Variants in TCIRG1 observed in about 807,000 individuals in gnomAD.
TCIRG1 encodes the protein V-type proton ATPase 116 kDa subunit a 3.
TCIRG1 carries 86 observed loss-of-function variants against 95.5 expected under a neutral mutation model. That is an observed-to-expected ratio of 0.90 (90% CI 0.76 to 1.08). The LOEUF is 1.08. TCIRG1 is among the 50% of genes least tolerant of loss of function. TCIRG1 has a pLI of 0.00. For missense variants in TCIRG1, 1,069 were observed against 1,140.2 expected (o/e 0.94, Z 0.90); for synonymous variants, 499 against 501.3 (o/e 1.00, Z 0.06).
chr11:68,050,612 C>G lies in TCIRG1; in HGVS notation c.2362C>G (p.Leu788Val), dbSNP rs1329759639. 1.9e-6 allele frequency: 3 copies of G among 1,613,374 alleles called. No homozygotes were observed. The highest frequency in any genetic ancestry group is 2.5e-6 in the Non-Finnish European group (3 of 1,179,952). ...AAFAVMTVAI[L>V]LVMEGLSAFL... ...CTTTGCCGTGATGACCGTGGCTATC[C>G]TGCTGGTGATGGAGGGACTCTCAGC... is the stretch of plus-strand genomic sequence containing the variant. Residue 788 changes from leucine (L) to valine (V), a missense_variant, in exon 19 of 20, where the codon CTG (leucine) becomes GTG (valine). By Grantham distance (32) the Leu-to-Val change is conservative (BLOSUM62 1). Coordinates refer to ENST00000265686, the MANE Select transcript of TCIRG1 (RefSeq NM_006019.4).
chr11:68,046,584 AAAG>A (rs1423318818), intron 10 of TCIRG1, among the ~76,000 whole-genome samples: 1 of 152,166 alleles, frequency 6.6e-6, no homozygotes, highest in East Asian at 1.9e-4. Context: ...CCCTGTCTCC[AAAG>A]AAGGTCACAT....
intron 10 of TCIRG1, among the ~76,000 whole-genome samples, chr11:68,045,689 G>A (rs1855444401): frequency 6.6e-6 from 1 of 152,134 alleles, no homozygotes; most frequent in South Asian, 2.1e-4. Flanking sequence ...AAGTAGCTGG[G>A]ATTACAGGCA....
In TCIRG1 at chr11:68,044,319, T is replaced by G; in HGVS notation, c.995T>G (p.Leu332Arg). ...AWCSVRDLPA[L>R]QEALRDSSME... ...TGCTCTGTGCGAGACCTGCCCGCCC[T>G]GCAGGAGGCCCTGCGGGACAGCTCG... is the stretch of plus-strand genomic sequence containing the variant. The change falls in exon 9 of 20, where the codon CTG becomes CGG. Residue 332 changes from leucine to arginine, a missense_variant. By Grantham distance (102) the Leu-to-Arg change is moderately radical. Transcript: ENST00000265686. 1 of 1,597,000 alleles carries G rather than the reference T, an allele frequency of 6.3e-7. No individual in the cohort carries two copies.
intron 16 of TCIRG1, 48 bp from the exon 17 acceptor site, chr11:68,049,914 G>GA (rs1368338938): frequency 8.9e-6 from 14 of 1,570,146 alleles, no homozygotes; most frequent in Non-Finnish European, 1.0e-5. Context: ...GGTGGTGGGG[G>GA]ACCTCCTGGG....
At position 68,044,289 on chromosome 11, in the gene TCIRG1, C is replaced by A; in HGVS notation, c.965C>A (p.Ala322Asp). 6.2e-7 allele frequency: 1 copy of A among 1,605,598 alleles called. No individual in the cohort carries two copies. Among genetic ancestry groups the A allele is most frequent in the African/African-American group, 1.3e-5 (1 of 74,956 alleles). Residue 322 changes from alanine (A) to aspartate (D), a missense_variant, in exon 9 of 20, where the codon GCC (alanine) becomes GAC (aspartate). Transcript: ENST00000265686. Reference sequence around the variant, plus strand: ...ACGCACAAGTGCCTCATTGCCGAGGCCTGGTGCTCTGTGCGAGACCTGCCC... The same window carrying A: ...ACGCACAAGTGCCTCATTGCCGAGGACTGGTGCTCTGTGCGAGACCTGCCC... ...STTHKCLIAEAWCSVRDLPAL... is the reference protein window; with the variant it reads ...STTHKCLIAEDWCSVRDLPAL...
intron 8 of TCIRG1, 105 bp downstream of exon 8, chr11:68,044,012 G>A: frequency 7.7e-7 from 1 of 1,293,350 alleles, no homozygotes. Flanking sequence ...TCCAGGAGGT[G>A]GGTGCAGGAG....
chr11:68,043,466 AGCTGGAGCAGCC>A lies in TCIRG1; in HGVS notation c.609_620del (p.Gln203_Glu206del), dbSNP rs1554995554. The A allele has an allele frequency of 1.3e-6, 2 of 1,555,928 alleles. No individual in the cohort carries two copies. The highest frequency in any genetic ancestry group is 1.7e-6 in the Non-Finnish European group (2 of 1,150,464). ...GGCTTCCTCATTGCCAGCTTCAGGG[AGCTGGAGCAGCC>A]GCTGGAGCACCCCGTGACGGTGAGC... is the stretch of plus-strand genomic sequence containing the variant. On this transcript the variant is annotated inframe_deletion, in exon 6 of 20. Coordinates refer to ENST00000265686, the MANE Select transcript of TCIRG1 (RefSeq NM_006019.4).
Position 68,047,790 on chromosome 11 carries a change from C to T in TCIRG1, c.1449C>T (p.Asn483=), listed in dbSNP as rs1321901427. 4.3e-6 allele frequency: 7 copies of T among 1,613,096 alleles called. No individual in the cohort carries two copies. Among genetic ancestry groups the T allele is most frequent in the South Asian group, 2.2e-5 (2 of 91,080 alleles). ...PSGWSVAAMA[N]QSGWSDAFLA... ...GCTGGAGTGTGGCCGCCATGGCCAA[C>T]CAGTCTGGCTGGAGGTGAGGCCCGG... The change falls in exon 12 of 20, where the codon AAC becomes AAT. Residue 483 remains asparagine, a synonymous_variant. Coordinates refer to ENST00000265686, the MANE Select transcript of TCIRG1 (RefSeq NM_006019.4).
rs75596506 is a variant in TCIRG1, at chr11:68,050,802, G to A, written c.2476G>A (p.Ala826Thr). ...CTACAAGCTGAGTCCCTTCACCTTC[G>A]CTGCCACAGATGACTAGGGCCCACT... ...TGYKLSPFTFAATDD is the reference protein window; with the variant it reads ...TGYKLSPFTFTATDD The change falls in exon 20 of 20, where the codon GCT becomes ACT. Residue 826 changes from alanine (A) to threonine (T), a missense_variant. Ala to Thr is a moderately conservative substitution (Grantham distance 58). Coordinates refer to ENST00000265686, the MANE Select transcript of TCIRG1 (RefSeq NM_006019.4). The A allele has an allele frequency of 2.3e-3, 3,652 of 1,613,486 alleles. 35 individuals are homozygous for A. The highest frequency in any genetic ancestry group is 0.021 in the African/African-American group (1,559 of 75,034).
At position 68,049,776 on chromosome 11, in the gene TCIRG1, C is replaced by G. The variant is rs750821386; in HGVS notation, c.2001C>G (p.Pro667=). 1.3e-6 allele frequency: 2 copies of G among 1,571,538 alleles called. No individual in the cohort carries two copies. The highest frequency in any genetic ancestry group is 2.3e-5 in the South Asian group (2 of 87,184). The change falls in exon 16 of 20, where the codon CCC becomes CCG. Residue 667 remains proline, a synonymous_variant. Transcript: ENST00000265686. The part of the protein sequence containing the change: ...HRHRRRLRRR[P]ADRQEENKAG... The stretch of plus-strand genomic sequence containing the variant: ...ACCGCCGCCGCCTGCGGAGGAGGCC[C>G]GCTGACCGACAGGTGGGACCGGGGC...
chr11:68,044,051 G>A (rs1468093118), intron 8 of TCIRG1, 81 bp from the exon 9 acceptor site: 20 of 1,385,982 alleles, frequency 1.4e-5, no homozygotes, highest in Non-Finnish European at 1.8e-5. Context: ...CCTCCAGGAG[G>A]TGGGTGCAGG....
Position 68,045,021 on chromosome 11 carries a change from A to C in TCIRG1, c.1084A>C (p.Ile362Leu). Reference protein sequence around the residue: ...IPCRDMPPTLIRTNRFTASFQ... With the variant: ...IPCRDMPPTLLRTNRFTASFQ... Reference sequence around the variant, plus strand: ...CTGCCGGGACATGCCCCCCACACTCATCCGCACCAACCGCTTCACGGCCAG... The same window carrying C: ...CTGCCGGGACATGCCCCCCACACTCCTCCGCACCAACCGCTTCACGGCCAG... The change falls in exon 10 of 20, where the codon ATC becomes CTC. Residue 362 changes from isoleucine to leucine, a missense_variant. Coordinates refer to ENST00000265686, the MANE Select transcript of TCIRG1 (RefSeq NM_006019.4). 6.2e-7 allele frequency: 1 copy of C among 1,608,222 alleles called. No individual in the cohort carries two copies. The highest frequency in any genetic ancestry group is 2.2e-5 in the East Asian group (1 of 44,878).
chr11:68,044,369 C>A (rs116976394), intron 9 of TCIRG1, 25 bp downstream of exon 9: 21,266 of 1,524,990 alleles, frequency 0.014, 207 homozygotes, highest in Non-Finnish European at 0.017. Flanking sequence ...GCCTCGCCCC[C>A]TCTCCGCCCG....
At position 68,050,128 on chromosome 11, in the gene TCIRG1, G is replaced by A. The variant is rs761413420; in HGVS notation, c.2119-9G>A. 3.2e-5 allele frequency: 51 copies of A among 1,612,570 alleles called. No homozygotes were observed. Among genetic ancestry groups the A allele is most frequent in the East Asian group, 1.6e-4 (7 of 44,876 alleles). ...GGCCCTGCCGGCCCTCACTGCACCC[G>A]CCCCGCAGCTCGTCCCCTCCGAGGT... On this transcript the variant is annotated splice_polypyrimidine_tract_variant and intron_variant, in intron 17 of 19. Transcript: ENST00000265686.
chr11:68,053,758 C>CTATA, downstream of TCIRG1: 3 of 491,996 alleles, frequency 6.1e-6, no homozygotes, highest in South Asian at 8.7e-5. Context: ...CACTATTGCA[C>CTATA]TATATTTCTG....
downstream of TCIRG1, among the ~76,000 whole-genome samples, chr11:68,051,478 G>T (rs888912901): frequency 6.6e-6 from 1 of 152,228 alleles, no homozygotes; most frequent in Non-Finnish European, 1.5e-5. Flanking sequence ...GCAGAATGGG[G>T]GTGGCTTTCT....
intron 13 of TCIRG1, among the ~76,000 whole-genome samples, chr11:68,048,600 T>C (rs768982381): frequency 5.9e-5 from 9 of 152,204 alleles, no homozygotes; most frequent in Non-Finnish European, 1.2e-4. Flanking sequence ...AGCCTGATTT[T>C]CTATTTGAAC....
In TCIRG1 at chr11:68,043,084, A is replaced by G. The variant is rs1855259943; in HGVS notation, c.503+53A>G. The G allele has an allele frequency of 1.9e-6, 3 of 1,548,494 alleles. No homozygotes were observed. The Admixed American group carries it at 5.9e-5, about 30-fold the overall frequency. On this transcript the variant is annotated intron_variant, in intron 5 of 19. Transcript: ENST00000265686. ...TCTGGCCAGCCCAGAACCCCTGGCC[A>G]GTCGCTGGGCTGGGCCAGGCTGAGC... is the stretch of plus-strand genomic sequence containing the variant.
At position 68,044,172 on chromosome 11, in the gene TCIRG1, G is replaced by GCCGGGTGCT; in HGVS notation, c.849_857dup (p.Arg284_Leu286dup). The GCCGGGTGCT allele has an allele frequency of 6.4e-7, 1 of 1,553,154 alleles. No homozygotes were observed. Among genetic ancestry groups the GCCGGGTGCT allele is most frequent in the Non-Finnish European group, 8.7e-7 (1 of 1,148,760 alleles). On this transcript the variant is annotated inframe_insertion, in exon 9 of 20. Transcript: ENST00000265686. ...GAGCGGTTCCTGAGCCAGGTGCTAG[G>GCCGGGTGCT]CCGGGTGCTGCAGCTGCTGCCGCCA...
Sources: gnomAD v4.1 joint callset for allele counts (sites outside exome capture counted in the v4.1 genomes callset) on GRCh38, gnomAD v4.1.1 for gene constraint, MANE v1.5 for transcripts, NCBI Gene and HGNC (gene_info 2026-07-23, HGNC 2026-07-21) for gene names.